CCDC40: variants seen among roughly 807,000 people sequenced by gnomAD.
The protein encoded by CCDC40 is coiled-coil domain 40 molecular ruler complex subunit.
In CCDC40, 104 loss-of-function variants were observed where a neutral mutation model predicts 124.5. The observed-to-expected ratio is 0.84, with a 90% confidence interval of 0.71 to 0.98. CCDC40 has a LOEUF of 0.98. Among genes scored for constraint, CCDC40 ranks in the 50% least tolerant of loss-of-function variants. CCDC40 has a pLI of 0.00. For missense variants in CCDC40, 1,463 were observed against 1,503.9 expected, an observed-to-expected ratio of 0.97 and a Z score of 0.45; for synonymous variants, 580 against 602.9, an observed-to-expected ratio of 0.96 and a Z score of 0.56.
intron 17 of CCDC40, among the ~76,000 whole-genome samples, chr17:80,093,518 CTTT>C (rs773036893): frequency 7.2e-6 from 1 of 139,252 alleles, no homozygotes; most frequent in Non-Finnish European, 1.6e-5. Context: ...TCTTATTTCT[CTTT>C]TTTTTTTTTT....
At chr17:80,050,039 G>T in intron 6 of CCDC40, 25 bp from the exon 7 acceptor site, 3 of 1,613,836 alleles carry the variant, frequency 1.9e-6, no homozygotes, top group Non-Finnish European at 2.5e-6. Context: ...GCGTCCTGGT[G>T]ACCCTGTTTC....
intron 19 of CCDC40, 83 bp downstream of exon 19, chr17:80,097,486 AGTCACGGCCTCTCCTGATCAG>A (rs1293215279): frequency 9.6e-6 from 14 of 1,462,248 alleles, no homozygotes; most frequent in Admixed American, 5.4e-5. Context: ...CCTCTGTGCG[AGTCACGGCCTCTCCTGATCAG>A]GTCACGGCCT....
At position 80,039,870 on chromosome 17, in the gene CCDC40, A is replaced by C; in HGVS notation, c.152A>C (p.Glu51Ala). 1 of 1,613,982 alleles carries C rather than the reference A, an allele frequency of 6.2e-7. No individual in the cohort carries two copies. The highest frequency in any genetic ancestry group is 8.5e-7 in the Non-Finnish European group (1 of 1,180,002). Residue 51 changes from glutamate to alanine, a missense_variant, in exon 3 of 20, where the codon GAG becomes GCG. By Grantham distance (107) the Glu-to-Ala change is moderately radical. Coordinates refer to ENST00000397545, the MANE Select transcript of CCDC40 (RefSeq NM_017950.4). ...QKGEEAVGST[E>A]HPEEVTTQAE... Reference sequence around the variant, plus strand: ...GGTGAAGAAGCTGTCGGTAGCACAGAGCATCCTGAGGAAGTCACAACCCAA... The same window carrying C: ...GGTGAAGAAGCTGTCGGTAGCACAGCGCATCCTGAGGAAGTCACAACCCAA...
intron 12 of CCDC40, 34 bp from the exon 13 acceptor site, chr17:80,084,709 C>T (rs1598538302): frequency 6.2e-7 from 1 of 1,612,722 alleles, no homozygotes; most frequent in Non-Finnish European, 8.5e-7. Context: ...TGGGTGGGGG[C>T]AATATTCACA....
In CCDC40 at chr17:80,040,042, T is replaced by G; in HGVS notation, c.324T>G (p.Ser108Arg). ...CTTCATCCCCGGAAGGGCAAATCAG[T>G]GCTGCAGATACGACTTACCCGTATT... is the stretch of plus-strand genomic sequence containing the variant. The part of the protein sequence containing the change: ...TETSSPEGQI[S>R]AADTTYPYFS... Residue 108 changes from serine to arginine, a missense_variant, in exon 3 of 20, where the codon AGT (serine) becomes AGG (arginine). Physicochemically the swap from Ser to Arg is moderately radical, Grantham distance 110. Transcript: ENST00000397545. The G allele has an allele frequency of 6.2e-7, 1 of 1,614,000 alleles. No individual in the cohort carries two copies. Among genetic ancestry groups the G allele is most frequent in the Non-Finnish European group, 8.5e-7 (1 of 1,179,886 alleles).
chr17:80,050,607 C>G (rs1360001963), intron 7 of CCDC40, among the ~76,000 whole-genome samples: 1 of 152,148 alleles, frequency 6.6e-6, no homozygotes, highest in African/African-American at 2.4e-5. Context: ...CCATGCCTGG[C>G]TATTTTTTGT....
chr17:80,038,251 A>G (rs1437640655), intron 2 of CCDC40, 65 bp downstream of exon 2: 1 of 1,133,516 alleles, frequency 8.8e-7, no homozygotes, highest in Non-Finnish European at 1.3e-6. Flanking sequence ...GAATCAGAGT[A>G]CGGGCACTGT....
intron 9 of CCDC40, among the ~76,000 whole-genome samples, chr17:80,064,859 C>G (rs2037995575): frequency 6.6e-6 from 1 of 152,028 alleles, no homozygotes; most frequent in Non-Finnish European, 1.5e-5. Context: ...AGCATCCAGC[C>G]CTGGCCATTC....
At chr17:80,095,164 G>A (rs771972569) in intron 17 of CCDC40, 99 bp from the exon 18 acceptor site, 131 of 1,107,370 alleles carry the variant, frequency 1.2e-4, no homozygotes, top group Admixed American at 4.4e-4. Context: ...ATCCCCATGC[G>A]TGTCACCGGA....
At chr17:80,085,585 C>T (rs1301306359) in intron 13 of CCDC40, among the ~76,000 whole-genome samples, 3 of 151,860 alleles carry the variant, frequency 2.0e-5, no homozygotes, top group East Asian at 1.9e-4. Context: ...CCTCGGCCTT[C>T]GTCCAGTTTC....
At chr17:80,077,751 C>T (rs1568701893) in intron 10 of CCDC40, among the ~76,000 whole-genome samples, 1 of 152,216 alleles carries the variant, frequency 6.6e-6, no homozygotes, top group Non-Finnish European at 1.5e-5. Context: ...GTGAGCATCT[C>T]TTCCCCGGCT....
rs753690300 is a variant in CCDC40, at chr17:80,050,162, G to A, written c.1038G>A (p.Glu346=). Residue 346 remains glutamate (E), a synonymous_variant, in exon 7 of 20, where the codon GAG becomes GAA. Coordinates refer to ENST00000397545, the MANE Select transcript of CCDC40 (RefSeq NM_017950.4). ...QHLVHLQKLL[E]KSHDRHAMAS... ...TGGTACACCTGCAGAAGCTGCTGGA[G>A]AAGAGTCACGACCGCCACGCAATGG... 2 of 1,613,588 alleles carry A rather than the reference G, an allele frequency of 1.2e-6. No homozygotes were observed. The highest frequency in any genetic ancestry group is 1.7e-6 in the Non-Finnish European group (2 of 1,179,994).
Position 80,050,238 on chromosome 17 carries a change from C to G in CCDC40, c.1114C>G (p.Leu372Val). 1.3e-6 allele frequency: 2 copies of G among 1,595,630 alleles called. No homozygotes were observed. The highest frequency in any genetic ancestry group is 1.7e-6 in the Non-Finnish European group (2 of 1,172,892). Residue 372 changes from leucine (L) to valine (V), a missense_variant, in exon 7 of 20, where the codon CTC becomes GTC. Coordinates refer to ENST00000397545, the MANE Select transcript of CCDC40 (RefSeq NM_017950.4). ...GGAGGAGCTGCAGGCCGCCCGCGCT[C>G]TCTACACCAAGACCTGCGCAGCCGC... ...KEEELQAARALYTKTCAAANE... is the reference protein window; with the variant it reads ...KEEELQAARAVYTKTCAAANE...
Position 80,037,688 on chromosome 17 carries a change from A to AAAAAATATATAT in CCDC40, c.30-434_30-433insAAAATATATATA. Reference sequence around the variant, plus strand: ...AGCTTGAATCTTTAATTTTTTAAAAAAGATATACATATATATATATATATA... The same window carrying AAAAAATATATAT: ...AGCTTGAATCTTTAATTTTTTAAAAAAAAAATATATATAGATATACATATATATATATATATA... On this transcript the variant is annotated intron_variant, in intron 1 of 19. Transcript: ENST00000397545. Among the ~76,000 whole-genome samples, 229 of 45,694 alleles carry AAAAAATATATAT rather than the reference A, an allele frequency of 5.0e-3. 3 individuals are homozygous for AAAAAATATATAT. The highest frequency in any genetic ancestry group is 0.013 in the African/African-American group (222 of 16,960). 30.0% of individuals were successfully genotyped at this position (45,694 alleles called of 152,430 possible). A position where few individuals can be genotyped will look rare whatever the true frequency, so the allele number is the denominator to read the frequency against.
intron 10 of CCDC40, among the ~76,000 whole-genome samples, chr17:80,074,369 G>A (rs756945215): frequency 1.5e-4 from 23 of 152,244 alleles, no homozygotes; most frequent in African/African-American, 4.8e-4. Flanking sequence ...AGTTATCCAG[G>A]CATGGCGGCA....
rs1027849799 is a variant in CCDC40, at chr17:80,079,546, G to A, written c.1563-2000G>A. On this transcript the variant is annotated intron_variant, in intron 10 of 19. Coordinates refer to ENST00000397545, the MANE Select transcript of CCDC40 (RefSeq NM_017950.4). ...GTGCCATAATTTAATCATCCTCATC[G>A]ATCCATAATGAGGCCCTTTCCTGTT... Among the ~76,000 whole-genome samples, 6 of 152,128 alleles carry A rather than the reference G, an allele frequency of 3.9e-5. 1 individual carries two copies. The highest frequency in any genetic ancestry group is 4.4e-5 in the Non-Finnish European group (3 of 68,012).
At chr17:80,060,149 G>A (rs778226933) in intron 9 of CCDC40, among the ~76,000 whole-genome samples, 58 of 152,264 alleles carry the variant, frequency 3.8e-4, no homozygotes, top group Middle Eastern at 3.4e-3. Context: ...GGACTGAGGG[G>A]TCCCCAAGAC....
rs2143615830 is a variant in CCDC40, at chr17:80,049,943, A to G, written c.893A>G (p.Tyr298Cys). ...MVRFQAALKN[Y>C]LNRQIEKLKL... ...AGATTCCAGGCTGCCCTGAAGAACT[A>G]CCTGAACCGACAGATCGAAAAGTTG... The change falls in exon 6 of 20, where the codon TAC becomes TGC. Residue 298 changes from tyrosine (Y) to cysteine (C), a missense_variant. Coordinates refer to ENST00000397545, the MANE Select transcript of CCDC40 (RefSeq NM_017950.4). 1.2e-6 allele frequency: 2 copies of G among 1,614,002 alleles called. No individual in the cohort carries two copies. The highest frequency in any genetic ancestry group is 1.7e-5 in the Admixed American group (1 of 59,990).
In CCDC40 at chr17:80,065,498, T is replaced by A; in HGVS notation, c.1454T>A (p.Ile485Asn). Residue 485 changes from isoleucine (I) to asparagine (N), a missense_variant, in exon 10 of 20, where the codon ATC (isoleucine) becomes AAC (asparagine). By Grantham distance (149) the Ile-to-Asn change is moderately radical (BLOSUM62 -3). Transcript: ENST00000397545. ...TGTTGGCTGCAGGCCTGCACCGAGA[T>A]CGACGCCATCAGCGTGGAGAAGAGG... is the stretch of plus-strand genomic sequence containing the variant. ...RKAVSEACTEIDAISVEKRRI... is the reference protein window; with the variant it reads ...RKAVSEACTENDAISVEKRRI... 1 of 1,612,166 alleles carries A rather than the reference T, an allele frequency of 6.2e-7. No homozygotes were observed. Among genetic ancestry groups the A allele is most frequent in the Non-Finnish European group, 8.5e-7 (1 of 1,179,700 alleles).
Sources: allele counts gnomAD v4.1 joint callset (sites outside exome capture counted in the v4.1 genomes callset), GRCh38; gene constraint gnomAD v4.1.1; transcripts MANE v1.5; gene names NCBI Gene and HGNC (gene_info 2026-07-23, HGNC 2026-07-21).